Variants in ARPC1A observed in about 807,000 individuals in gnomAD.
ARPC1A encodes the protein actin-related protein 2/3 complex subunit 1A.
ARPC1A carries 8 observed loss-of-function variants against 46.9 expected under a neutral mutation model. The observed-to-expected ratio is 0.17, with a 90% CI of 0.10 to 0.31. The LOEUF is 0.31. Ranked by LOEUF, ARPC1A falls within the 10% of genes least tolerant of loss-of-function variation. The probability of loss-of-function intolerance (pLI) is 1.00; values close to 1 mark genes in which losing one functional copy is unlikely to be tolerated. For synonymous variants in ARPC1A, 152 were observed against 169.0 expected, an observed-to-expected ratio of 0.90 and a Z score of 0.78; for missense variants, 286 against 483.6, an observed-to-expected ratio of 0.59 and a Z score of 3.83.
rs913179673 is a variant in ARPC1A, at chr7:99,325,992, C to A, written c.-42C>A. On this transcript the variant is annotated 5_prime_UTR_variant, in exon 1 of 10. Coordinates refer to ENST00000262942, the MANE Select transcript of ARPC1A (RefSeq NM_006409.4). ...CCTCCGCTCCGAGCCCGTCCGGACT[C>A]CCCCGATCCCAGGTAACGGCCAGCA... 6.6e-6 allele frequency: 1 copy of A among 152,490 alleles called. No homozygotes were observed. Among genetic ancestry groups the A allele is most frequent in the Non-Finnish European group, 1.5e-5 (1 of 68,080 alleles). The allele number at this position is 152,490 out of a possible 1,614,324, so 9.4% of individuals were successfully genotyped here.
At chr7:99,350,858 G>C (rs1793534228) in intron 5 of ARPC1A, among the ~76,000 whole-genome samples, 1 of 151,530 alleles carries the variant, frequency 6.6e-6, no homozygotes, top group South Asian at 2.1e-4. Context: ...TGTTGCCCAG[G>C]CTGGTCTCAA....
Position 99,333,409 on chromosome 7 carries a change from A to T in ARPC1A, c.56A>T (p.Asp19Val). 6.2e-7 allele frequency: 1 copy of T among 1,613,126 alleles called. No homozygotes were observed. The highest frequency in any genetic ancestry group is 1.1e-5 in the South Asian group (1 of 90,896). Reference sequence around the variant, plus strand: ...ATCACCTGTCATGCCTGGAACAGGGATCGTACTCGTAAGTATTTTATTAAC... The same window carrying T: ...ATCACCTGTCATGCCTGGAACAGGGTTCGTACTCGTAAGTATTTTATTAAC... ...EPITCHAWNR[D>V]RTQIALSPNN... Residue 19 changes from aspartate (D) to valine (V), a missense_variant, in exon 2 of 10, where the codon GAT becomes GTT. Coordinates refer to ENST00000262942, the MANE Select transcript of ARPC1A (RefSeq NM_006409.4).
At chr7:99,362,555 G>T (rs573142910) in intron 8 of ARPC1A, among the ~76,000 whole-genome samples, 1 of 149,232 alleles carries the variant, frequency 6.7e-6, no homozygotes, top group Non-Finnish European at 1.5e-5. Flanking sequence ...TGTTAGTCAG[G>T]ATGGTCTCGA....
chr7:99,334,178 T>A (rs1006103617), intron 2 of ARPC1A, among the ~76,000 whole-genome samples: 2 of 151,522 alleles, frequency 1.3e-5, no homozygotes, highest in African/African-American at 2.4e-5. Flanking sequence ...CTGGCCAACA[T>A]GGTGAAACCC....
At chr7:99,338,762 A>G (rs1793310438) in intron 3 of ARPC1A, among the ~76,000 whole-genome samples, 1 of 152,082 alleles carries the variant, frequency 6.6e-6, no homozygotes, top group African/African-American at 2.4e-5. Context: ...CTTAGTTGTT[A>G]AGTGCTTCTT....
intron 4 of ARPC1A, among the ~76,000 whole-genome samples, chr7:99,346,071 C>T (rs765348214): frequency 1.3e-5 from 2 of 151,938 alleles, no homozygotes; most frequent in Non-Finnish European, 2.9e-5. Flanking sequence ...AAAAAATTAA[C>T]GGGGTGTGGT....
chr7:99,340,500 T>A (rs1714615473), intron 3 of ARPC1A, among the ~76,000 whole-genome samples: 1 of 152,018 alleles, frequency 6.6e-6, no homozygotes. Context: ...TCACCCAGGC[T>A]AGAAGGATCA....
intron 6 of ARPC1A, among the ~76,000 whole-genome samples, chr7:99,358,083 A>C: frequency 6.6e-6 from 1 of 152,138 alleles, no homozygotes; most frequent in East Asian, 1.9e-4. Context: ...TGGGGGTGGA[A>C]GGGCGTGATG....
At position 99,354,131 on chromosome 7, in the gene ARPC1A, T is replaced by A; in HGVS notation, c.713+10T>A. ...CCTCAAAAAGTGTGCAGTGAGTATT[T>A]GCCTTTCATTTGGAAGGTGGGGAAC... On this transcript the variant is annotated intron_variant, in intron 6 of 9. Coordinates refer to ENST00000262942, the MANE Select transcript of ARPC1A (RefSeq NM_006409.4). 1 of 1,609,016 alleles carries A rather than the reference T, an allele frequency of 6.2e-7. No homozygotes were observed.
At chr7:99,354,648 C>A (rs1793601949) in intron 6 of ARPC1A, among the ~76,000 whole-genome samples, 1 of 152,020 alleles carries the variant, frequency 6.6e-6, no homozygotes, top group Non-Finnish European at 1.5e-5. Flanking sequence ...AGTTCAAGAC[C>A]AGCCTGGCCA....
At chr7:99,346,117 G>A (rs909642459) in intron 4 of ARPC1A, among the ~76,000 whole-genome samples, 1 of 151,820 alleles carries the variant, frequency 6.6e-6, no homozygotes, top group Admixed American at 6.6e-5. Context: ...CTGGGAGGCT[G>A]AGGCAGGAGA....
chr7:99,354,464 T>C (rs1017556275), intron 6 of ARPC1A, among the ~76,000 whole-genome samples: 51 of 140,392 alleles, frequency 3.6e-4, no homozygotes, highest in African/African-American at 1.4e-3. Flanking sequence ...GAGGTTGTAG[T>C]GAGCCAAGAT....
intron 2 of ARPC1A, among the ~76,000 whole-genome samples, chr7:99,335,911 G>A (rs1251008254): frequency 2.0e-5 from 3 of 151,446 alleles, no homozygotes; most frequent in African/African-American, 7.3e-5. Flanking sequence ...CCGAGATTGT[G>A]CCACCGCACT....
At position 99,329,962 on chromosome 7, in the gene ARPC1A, A is replaced by C. The variant is rs534216004; in HGVS notation, c.-29-3363A>C. ...GGAGTTATAACAGCATGTTATTTTGAGTAGCTGTTACTAAAATCTGTTGTG... is the reference window on the plus strand; with the variant it reads ...GGAGTTATAACAGCATGTTATTTTGCGTAGCTGTTACTAAAATCTGTTGTG... On this transcript the variant is annotated intron_variant, in intron 1 of 9. Transcript: ENST00000262942. Among the ~76,000 whole-genome samples the C allele has an allele frequency of 1.4e-4, 21 of 152,256 alleles. 1 individual carries two copies. Among genetic ancestry groups the C allele is most frequent in the African/African-American group, 4.3e-4 (18 of 41,554 alleles).
intron 5 of ARPC1A, among the ~76,000 whole-genome samples, chr7:99,352,678 C>G (rs1298319486): frequency 6.7e-6 from 1 of 148,616 alleles, no homozygotes; most frequent in Non-Finnish European, 1.5e-5. Flanking sequence ...AAAGTTGGAG[C>G]GGGGGATCAG....
intron 5 of ARPC1A, among the ~76,000 whole-genome samples, chr7:99,349,706 G>A (rs578219187): frequency 7.9e-5 from 12 of 152,152 alleles, no homozygotes; most frequent in Non-Finnish European, 1.3e-4. Context: ...CGGGCGTGGT[G>A]GCGGGTGCCT....
intron 1 of ARPC1A, among the ~76,000 whole-genome samples, chr7:99,329,535 G>C (rs1393909688): frequency 3.3e-5 from 5 of 152,168 alleles, no homozygotes. Context: ...GAATGCAAGT[G>C]GTGTTTGCTA....
At chr7:99,331,276 C>T (rs1793139813) in intron 1 of ARPC1A, among the ~76,000 whole-genome samples, 1 of 151,974 alleles carries the variant, frequency 6.6e-6, no homozygotes, top group African/African-American at 2.4e-5. Flanking sequence ...ATGCTTGTAG[C>T]CACAGCTACT....
intron 2 of ARPC1A, among the ~76,000 whole-genome samples, chr7:99,337,646 G>A (rs1793278859): frequency 6.6e-6 from 1 of 152,132 alleles, no homozygotes; most frequent in African/African-American, 2.4e-5. Context: ...TGAAAACAAA[G>A]TATTGTGATT....
Sources: allele counts gnomAD v4.1 joint callset (sites outside exome capture counted in the v4.1 genomes callset), GRCh38; gene constraint gnomAD v4.1.1; transcripts MANE v1.5; gene names NCBI Gene and HGNC (gene_info 2026-07-23, HGNC 2026-07-21).